Variants in SHROOM3 observed in about 807,000 individuals in gnomAD.
SHROOM3 encodes shroom family member 3.
SHROOM3 carries 47 observed loss-of-function variants against 138.6 expected under a neutral mutation model. The observed-to-expected ratio is 0.34, with a 90% CI of 0.27 to 0.43. The LOEUF (loss-of-function observed/expected upper bound fraction) is 0.43, where lower values mean the gene tolerates loss of function less well. Ranked by LOEUF, SHROOM3 falls within the 20% of genes least tolerant of loss-of-function variation. SHROOM3 has a pLI of 1.00. For missense variants in SHROOM3, 2,491 were observed against 2,596.5 expected (o/e 0.96, Z 0.88); for synonymous variants, 1,062 against 1,063.3 (o/e 1.00, Z 0.02).
At position 76,484,572 on chromosome 4, in the gene SHROOM3, AAAACAAACAAACAAAC is replaced by A. The variant is rs142274232; in HGVS notation, c.168+48376_168+48391del. Among the ~76,000 whole-genome samples, 193 of 147,644 alleles carry A rather than the reference AAAACAAACAAACAAAC, an allele frequency of 1.3e-3. 1 individual carries two copies. Among genetic ancestry groups the A allele is most frequent in the African/African-American group, 4.8e-3 (187 of 39,266 alleles). On this transcript the variant is annotated intron_variant, in intron 1 of 10. Coordinates refer to ENST00000296043, the MANE Select transcript of SHROOM3 (RefSeq NM_020859.4). ...GGCTACAGCCTGAGACCCTTACTCT[AAAACAAACAAACAAAC>A]AAACAAACAAACAAACAAACAAAAA...
chr4:76,513,440 C>T (rs183688728), intron 1 of SHROOM3, among the ~76,000 whole-genome samples: 186 of 152,172 alleles, frequency 1.2e-3, no homozygotes, highest in African/African-American at 4.2e-3. Context: ...CAGCCTCCCG[C>T]GTAGCTGGGA....
chr4:76,469,034 CAA>C (rs530021753), intron 1 of SHROOM3, among the ~76,000 whole-genome samples: 43 of 87,308 alleles, frequency 4.9e-4, no homozygotes, highest in Admixed American at 5.0e-4. Context: ...ATTCCATCTC[CAA>C]AAAAAAAAAA....
chr4:76,513,514 A>G (rs1732381317), intron 1 of SHROOM3, among the ~76,000 whole-genome samples: 1 of 152,074 alleles, frequency 6.6e-6, no homozygotes, highest in Non-Finnish European at 1.5e-5. Flanking sequence ...GGGTTTTACC[A>G]TGTTGGTCAG....
chr4:76,500,556 A>AC (rs367923611), intron 1 of SHROOM3, among the ~76,000 whole-genome samples: 11 of 151,700 alleles, frequency 7.3e-5, no homozygotes, highest in African/African-American at 2.7e-4. Context: ...TGGTTATACC[A>AC]TTTTTTTTCC....
At chr4:76,716,233 A>G in intron 3 of SHROOM3, 1 of 490,376 alleles carries the variant, frequency 2.0e-6, no homozygotes, top group Admixed American at 2.0e-5. Context: ...GAGCTGGGCA[A>G]GTTCAAGGCG....
chr4:76,510,206 A>G (rs1466802189), intron 1 of SHROOM3, among the ~76,000 whole-genome samples: 1 of 152,240 alleles, frequency 6.6e-6, no homozygotes, highest in African/African-American at 2.4e-5. Flanking sequence ...ATTTTATAGT[A>G]CAAACGTGTT....
chr4:76,742,279 G>T (rs1721288942), intron 5 of SHROOM3: 12 of 325,304 alleles, frequency 3.7e-5, no homozygotes, highest in East Asian at 7.7e-5. Context: ...TTAGAGTCTG[G>T]GTCTGAGTAT....
chr4:76,588,564 T>C (rs553763183), intron 2 of SHROOM3, among the ~76,000 whole-genome samples: 3 of 152,226 alleles, frequency 2.0e-5, no homozygotes, highest in African/African-American at 7.2e-5. Context: ...GTTGCAAACA[T>C]CAGACACCTT....
intron 2 of SHROOM3, among the ~76,000 whole-genome samples, chr4:76,662,188 C>T (rs1718520044): frequency 1.3e-5 from 2 of 152,242 alleles, no homozygotes; most frequent in South Asian, 4.1e-4. Flanking sequence ...TATCTGGAGG[C>T]TCTAGGGGAT....
In SHROOM3 at chr4:76,468,556, A is replaced by G. The variant is rs1405697309; in HGVS notation, c.168+32336A>G. Among the ~76,000 whole-genome samples, 3 of 151,202 alleles carry G rather than the reference A, an allele frequency of 2.0e-5. No homozygotes were observed. In the East Asian group the frequency reaches 5.8e-4, roughly 29 times the overall value. On this transcript the variant is annotated intron_variant, in intron 1 of 10. Coordinates refer to ENST00000296043, the MANE Select transcript of SHROOM3 (RefSeq NM_020859.4). ...GAGTTTATTTTTAAATTATTATGTT[A>G]ATTCATAATTATTATGATAATTAAA...
At chr4:76,506,277 A>C (rs1732209759) in intron 1 of SHROOM3, among the ~76,000 whole-genome samples, 1 of 152,170 alleles carries the variant, frequency 6.6e-6, no homozygotes, top group Non-Finnish European at 1.5e-5. Context: ...TACCTAATAT[A>C]GATGATGGGT....
At chr4:76,496,013 T>C (rs1303149020) in intron 1 of SHROOM3, among the ~76,000 whole-genome samples, 1 of 152,208 alleles carries the variant, frequency 6.6e-6, no homozygotes, top group African/African-American at 2.4e-5. Flanking sequence ...GGACCAAAGC[T>C]GTTCATACAA....
intron 1 of SHROOM3, among the ~76,000 whole-genome samples, chr4:76,507,687 C>T (rs182640305): frequency 3.1e-4 from 47 of 151,952 alleles, no homozygotes; most frequent in Non-Finnish European, 5.6e-4. Flanking sequence ...TACAGGCGCC[C>T]GCCACCATGC....
chr4:76,710,213 A>C lies in SHROOM3; in HGVS notation c.381A>C (p.Pro127=). 6.2e-7 allele frequency: 1 copy of C among 1,614,182 alleles called. No homozygotes were observed. The change falls in exon 3 of 11, where the codon CCA becomes CCC. Residue 127 remains proline (P), a synonymous_variant. Coordinates refer to ENST00000296043, the MANE Select transcript of SHROOM3 (RefSeq NM_020859.4). ...ADTGASNFVS[P]EHLTSGPQHR... is the part of the protein sequence containing the mutation. ...CTGGTGCCTCTAACTTCGTCAGCCC[A>C]GAACACCTCACCTCTGGCCCCCAGC...
chr4:76,622,614 C>T (rs1476095258), intron 2 of SHROOM3, among the ~76,000 whole-genome samples: 1 of 151,688 alleles, frequency 6.6e-6, no homozygotes, highest in African/African-American at 2.4e-5. Context: ...ATTTTTGGCT[C>T]AAGAAGGAAC....
At chr4:76,461,258 C>T (rs912135271) in intron 1 of SHROOM3, among the ~76,000 whole-genome samples, 2 of 152,086 alleles carry the variant, frequency 1.3e-5, no homozygotes, top group African/African-American at 4.8e-5. Context: ...TAGTATCATA[C>T]AAAAGAGTCA....
intron 4 of SHROOM3, among the ~76,000 whole-genome samples, chr4:76,733,352 T>G (rs746872879): frequency 2.0e-4 from 31 of 152,294 alleles, no homozygotes. Context: ...GCCCTTGTGC[T>G]GTATCTACCA....
chr4:76,755,284 C>A, intron 7 of SHROOM3, 92 bp downstream of exon 7: 2 of 1,434,842 alleles, frequency 1.4e-6, no homozygotes, highest in South Asian at 1.2e-5. Flanking sequence ...CAGAAGAACC[C>A]TGGCATGGAG....
chr4:76,711,837 T>TG (rs1720237650), intron 3 of SHROOM3, among the ~76,000 whole-genome samples: 2 of 121,582 alleles, frequency 1.6e-5, no homozygotes, highest in Non-Finnish European at 3.4e-5. Flanking sequence ...AGATTTCATT[T>TG]GAAAAAAAAA....
Sources: gnomAD v4.1 joint callset for allele counts (sites outside exome capture counted in the v4.1 genomes callset) on GRCh38, gnomAD v4.1.1 for gene constraint, MANE v1.5 for transcripts, NCBI Gene and HGNC (gene_info 2026-07-23, HGNC 2026-07-21) for gene names.